The following DGCR8 variants were observed in gnomAD, a reference collection of about 807,000 sequenced individuals.
DGCR8 encodes the protein DGCR8 microprocessor complex subunit.
Under a neutral mutation model 78.5 loss-of-function variants are expected in DGCR8, and 14 were observed. The observed-to-expected ratio is 0.18, with a 90% CI of 0.12 to 0.28. The LOEUF (loss-of-function observed/expected upper bound fraction) is 0.28, where lower values mean the gene tolerates loss of function less well. Ranked by LOEUF, DGCR8 falls within the 10% of genes least tolerant of loss-of-function variation. DGCR8 has a pLI of 1.00. For missense variants in DGCR8, 702 were observed against 1,022.5 expected (o/e 0.69, Z 4.28); for synonymous variants, 399 against 402.4 (o/e 0.99, Z 0.10).
intron 10 of DGCR8, 48 bp downstream of exon 10, chr22:20,106,325 C>T: frequency 6.8e-7 from 1 of 1,466,752 alleles, no homozygotes; most frequent in East Asian, 2.3e-5. Context: ...GGGGGAGCTC[C>T]TCTCTGGCGT....
Position 20,086,895 on chromosome 22 carries a change from A to G in DGCR8, c.720+212A>G. On this transcript the variant is annotated intron_variant, in intron 2 of 13. Coordinates refer to ENST00000351989, the MANE Select transcript of DGCR8 (RefSeq NM_022720.7). The surrounding 1 kb of genome is among the most constrained non-coding windows in gnomAD (Gnocchi z 6.4). ...CTAATGAAAAGTTTGGCCCATGGGT[A>G]GGCCCTGCATCCCTGATCTAGCGCG... The G allele has an allele frequency of 1.3e-6, 1 of 759,444 alleles. No homozygotes were observed. Among genetic ancestry groups the G allele is most frequent in the Non-Finnish European group, 2.0e-6 (1 of 488,180 alleles). The allele number at this position is 759,444 out of a possible 1,614,324, so 47.0% of individuals were successfully genotyped here.
chr22:20,102,678 C>T (rs559676377), intron 9 of DGCR8, among the ~76,000 whole-genome samples: 3 of 152,338 alleles, frequency 2.0e-5, no homozygotes, highest in Admixed American at 6.5e-5. Flanking sequence ...TACTGTCTTT[C>T]GAGCTGTGTG....
intron 9 of DGCR8, among the ~76,000 whole-genome samples, chr22:20,103,439 G>A (rs768780885): frequency 6.6e-5 from 10 of 152,192 alleles, no homozygotes; most frequent in African/African-American, 9.6e-5. Flanking sequence ...TGTTTTATTT[G>A]CACTGATTTA....
intron 9 of DGCR8, among the ~76,000 whole-genome samples, chr22:20,103,999 C>T (rs1249751622): frequency 6.6e-6 from 1 of 152,214 alleles, no homozygotes; most frequent in African/African-American, 2.4e-5. Context: ...TTAGGTTTCT[C>T]CTGTGCTGTT....
chr22:20,091,809 A>C (rs924355806), intron 6 of DGCR8, 60 bp from the exon 7 acceptor site: 3 of 1,537,146 alleles, frequency 2.0e-6, no homozygotes, highest in Non-Finnish European at 1.8e-6. Context: ...GGTAACAGGA[A>C]GCTGTGTGCT....
chr22:20,094,894 C>T, intron 9 of DGCR8, 99 bp downstream of exon 9: 1 of 971,484 alleles, frequency 1.0e-6, no homozygotes, highest in Non-Finnish European at 1.7e-6. Context: ...TGTGCTCATG[C>T]CTTCCATGCC....
chr22:20,086,770 AT>A lies in DGCR8; in HGVS notation c.720+89del. The A allele has an allele frequency of 7.2e-7, 1 of 1,383,498 alleles. No individual in the cohort carries two copies. Among genetic ancestry groups the A allele is most frequent in the South Asian group, 1.4e-5 (1 of 69,884 alleles). 85.7% of individuals were successfully genotyped at this position (1,383,498 alleles called of 1,614,324 possible). ...TGCAGCATCTTTTGAAAGCAGGGAA[AT>A]TAAAAAAAAAAAAAACAAAAACCAA... On this transcript the variant is annotated intron_variant, in intron 2 of 13. Transcript: ENST00000351989. This position sits in a 1 kb window ranked among gnomAD's most constrained non-coding sequence, Gnocchi z 6.4.
chr22:20,107,202 G>T, intron 11 of DGCR8, 69 bp from the exon 12 acceptor site: 1 of 1,595,044 alleles, frequency 6.3e-7, no homozygotes, highest in South Asian at 1.1e-5. Context: ...AGGGCTGGGA[G>T]CGGCAGGGGG....
rs2049850334 is a variant in DGCR8 at position 20,111,706 on chromosome 22, G to GCCGCCCCCCCCCC, written c.*1600_*1601insGCCCCCCCCCCCC. On this transcript the variant is annotated 3_prime_UTR_variant, in exon 14 of 14. Coordinates refer to ENST00000351989, the MANE Select transcript of DGCR8 (RefSeq NM_022720.7). ...TGCCATACTCTTGTGGTCTCTGTGC[G>GCCGCCCCCCCCCC]CCCCCCCCCCCCCCCCACCCGTCTG... 1 of 63,028 alleles carries GCCGCCCCCCCCCC rather than the reference G, an allele frequency of 1.6e-5. No individual in the cohort carries two copies. Among genetic ancestry groups the GCCGCCCCCCCCCC allele is most frequent in the Non-Finnish European group, 3.0e-5 (1 of 33,564 alleles). 3.9% of individuals were successfully genotyped at this position (63,028 alleles called of 1,614,324 possible). A position where few individuals can be genotyped will look rare whatever the true frequency, so the allele number is the denominator to read the frequency against.
intron 9 of DGCR8, chr22:20,100,738 G>A: frequency 1.0e-6 from 1 of 985,424 alleles, no homozygotes. Context: ...AGGTGGAGAA[G>A]GACATGGGGG....
In DGCR8 at chr22:20,080,341, T is replaced by A; in HGVS notation, c.-320T>A. 1.0e-6 allele frequency: 1 copy of A among 980,056 alleles called. No individual in the cohort carries two copies. The highest frequency in any genetic ancestry group is 1.2e-6 in the Non-Finnish European group (1 of 827,964). 60.7% of individuals were successfully genotyped at this position (980,056 alleles called of 1,614,324 possible). A position where few individuals can be genotyped will look rare whatever the true frequency, so the allele number is the denominator to read the frequency against. On this transcript the variant is annotated 5_prime_UTR_variant, in exon 1 of 14. Transcript: ENST00000351989. ...TCGGTCGGTGAGGCTTTCCCGGCTG[T>A]GGTTTGGCTGCGGGCGGCTTGGGCA...
At chr22:20,093,798 T>C (rs577106872) in intron 8 of DGCR8, among the ~76,000 whole-genome samples, 28 of 152,344 alleles carry the variant, frequency 1.8e-4, no homozygotes, top group Non-Finnish European at 3.5e-4. Flanking sequence ...TCGTGGTAGT[T>C]GACATTCTTT....
chr22:20,083,660 C>T (rs962271660), intron 1 of DGCR8, among the ~76,000 whole-genome samples: 6 of 152,160 alleles, frequency 3.9e-5, no homozygotes, highest in Admixed American at 6.5e-5. Context: ...GTGGCTTCTT[C>T]ATGTAGCTTT....
Position 20,111,706 on chromosome 22 carries a change from G to GCGC in DGCR8, c.*1599_*1600insGCC, listed in dbSNP as rs2049850193. 3.2e-5 allele frequency: 2 copies of GCGC among 63,028 alleles called. No individual in the cohort carries two copies. Among genetic ancestry groups the GCGC allele is most frequent in the African/African-American group, 8.7e-5 (1 of 11,454 alleles). The allele number at this position is 63,028 out of a possible 1,614,324, so 3.9% of individuals were successfully genotyped here. ...TGCCATACTCTTGTGGTCTCTGTGC[G>GCGC]CCCCCCCCCCCCCCCCACCCGTCTG... On this transcript the variant is annotated 3_prime_UTR_variant, in exon 14 of 14. Coordinates refer to ENST00000351989, the MANE Select transcript of DGCR8 (RefSeq NM_022720.7).
At chr22:20,088,781 G>T (rs1190334369) in intron 3 of DGCR8, among the ~76,000 whole-genome samples, 1 of 152,028 alleles carries the variant, frequency 6.6e-6, no homozygotes, top group Non-Finnish European at 1.5e-5. Flanking sequence ...ATTTTTTAAG[G>T]TTTCATTTGC....
chr22:20,095,349 A>T (rs1291496016), intron 9 of DGCR8, among the ~76,000 whole-genome samples: 1 of 151,910 alleles, frequency 6.6e-6, no homozygotes, highest in Non-Finnish European at 1.5e-5. Context: ...CGGGTGATCC[A>T]CTCGCTTCCG....
chr22:20,082,935 C>T (rs189069824), intron 1 of DGCR8, among the ~76,000 whole-genome samples: 20 of 152,338 alleles, frequency 1.3e-4, no homozygotes, highest in African/African-American at 3.8e-4. Context: ...GGTGGCCCAT[C>T]TCTCTCACTA....
rs750259282 is a variant in DGCR8, at chr22:20,090,156, C to A, written c.1204C>A (p.Pro402Thr). ...LDEPDSMGAD[P>T]GPPDEKDPLG... The stretch of plus-strand genomic sequence containing the variant: ...TGAGCCTGACTCTATGGGTGCTGAC[C>A]CGGGGCCCCCGGACGAGAAAGACCC... Residue 402 changes from proline (P) to threonine (T), a missense_variant, in exon 5 of 14, where the codon CCG (proline) becomes ACG (threonine). Physicochemically the swap from Pro to Thr is conservative, Grantham distance 38. This residue lies in a region of DGCR8 where 119 missense variants were observed against 126.1 expected (regional missense o/e 0.94). Transcript: ENST00000351989. 7.4e-6 allele frequency: 12 copies of A among 1,614,096 alleles called. No individual in the cohort carries two copies. Among genetic ancestry groups the A allele is most frequent in the Non-Finnish European group, 1.0e-5 (12 of 1,180,048 alleles).
At position 20,089,234 on chromosome 22, in the gene DGCR8, A is replaced by C. The variant is rs1602481284; in HGVS notation, c.881-435A>C. 1.3e-5 allele frequency among the ~76,000 whole-genome samples: 2 copies of C among 148,488 alleles called. No homozygotes were observed. The highest frequency in any genetic ancestry group is 1.3e-4 in the Admixed American group (2 of 14,832). The stretch of plus-strand genomic sequence containing the variant: ...GTGTTTTGTATGCTGCTGAGAGTGC[A>C]GCTCAGTTACAATAAAGACTTGTCA... On this transcript the variant is annotated intron_variant, in intron 3 of 13. Transcript: ENST00000351989. The surrounding 1 kb of genome is among the most constrained non-coding windows in gnomAD (Gnocchi z 4.9).
Sources: allele counts gnomAD v4.1 joint callset (sites outside exome capture counted in the v4.1 genomes callset), GRCh38; gene constraint gnomAD v4.1.1; regional missense constraint gnomAD v4.1.1; non-coding constraint Gnocchi (gnomAD v3.1); transcripts MANE v1.5; gene names NCBI Gene and HGNC (gene_info 2026-07-23, HGNC 2026-07-21).